Variants in ANKIB1 observed in about 807,000 individuals in gnomAD.
ANKIB1 encodes the protein ankyrin repeat and IBR domain containing 1.
Under a neutral mutation model 122.1 loss-of-function variants are expected in ANKIB1, and 43 were observed. The ratio of observed to expected loss-of-function variants is 0.35; its 90% confidence interval spans 0.28 to 0.45. The LOEUF (loss-of-function observed/expected upper bound fraction) is 0.45. ANKIB1 is among the 20% of genes least tolerant of loss of function. The probability of loss-of-function intolerance (pLI) is 1.00; values close to 1 mark genes in which losing one functional copy is unlikely to be tolerated. For synonymous variants in ANKIB1, 390 were observed against 442.0 expected (o/e 0.88, Z 1.48); for missense variants, 992 against 1,329.5 (o/e 0.75, Z 3.95).
At chr7:92,261,131 C>T (rs1477862117) in intron 1 of ANKIB1, among the ~76,000 whole-genome samples, 11 of 151,732 alleles carry the variant, frequency 7.2e-5, no homozygotes, top group African/African-American at 2.2e-4. Flanking sequence ...GGGCGGATCA[C>T]GAGGTCAGGA....
chr7:92,290,346 GACTAAA>G (rs1802219622), intron 1 of ANKIB1, among the ~76,000 whole-genome samples: 1 of 150,506 alleles, frequency 6.6e-6, no homozygotes, highest in Non-Finnish European at 1.5e-5. Flanking sequence ...AATTGCAGAA[GACTAAA>G]TTGAGTATAT....
chr7:92,314,212 C>T lies in ANKIB1; in HGVS notation c.487-5118C>T, dbSNP rs140141110. Among the ~76,000 whole-genome samples the T allele has an allele frequency of 7.2e-3, 1,090 of 151,724 alleles. 11 individuals are homozygous for T. The highest frequency in any genetic ancestry group is 0.025 in the African/African-American group (1,038 of 41,350). On this transcript the variant is annotated intron_variant, in intron 3 of 19. Transcript: ENST00000265742. ...ACTCAGGAGGCTGAGGTGGAAGGAT[C>T]ACTTGAGCCCAGGAGGTGGAGGCTA... is the stretch of plus-strand genomic sequence containing the variant.
intron 1 of ANKIB1, among the ~76,000 whole-genome samples, chr7:92,264,206 A>C (rs924718684): frequency 1.4e-5 from 2 of 147,248 alleles, no homozygotes; most frequent in African/African-American, 2.5e-5. Context: ...TCTGGAAGCG[A>C]AAAGGAGGGA....
At chr7:92,293,987 G>A (rs920529176) in intron 1 of ANKIB1, among the ~76,000 whole-genome samples, 4 of 152,126 alleles carry the variant, frequency 2.6e-5, no homozygotes, top group Non-Finnish European at 4.4e-5. Context: ...CCTAAGAAAT[G>A]GTCATTTTCC....
intron 9 of ANKIB1, among the ~76,000 whole-genome samples, chr7:92,359,571 C>T (rs896115935): frequency 6.6e-6 from 1 of 152,062 alleles, no homozygotes; most frequent in Non-Finnish European, 1.5e-5. Context: ...ATTTATAATC[C>T]TTTGGGTATA....
chr7:92,398,992 G>A lies in ANKIB1; in HGVS notation c.*43G>A. 1.3e-6 allele frequency: 2 copies of A among 1,501,598 alleles called. No individual in the cohort carries two copies. The highest frequency in any genetic ancestry group is 1.4e-5 in the South Asian group (1 of 71,692). 93.0% of individuals were successfully genotyped at this position (1,501,598 alleles called of 1,614,324 possible). A position where few individuals can be genotyped will look rare whatever the true frequency, so the allele number is the denominator to read the frequency against. On this transcript the variant is annotated 3_prime_UTR_variant, in exon 20 of 20. Transcript: ENST00000265742. ...TCTAAATGAATTACAGGTACAGATGGTATGCTAGGTGGAGTATGCTTGATA... is the reference window on the plus strand; with the variant it reads ...TCTAAATGAATTACAGGTACAGATGATATGCTAGGTGGAGTATGCTTGATA...
chr7:92,368,598 G>A (rs1480114421), intron 10 of ANKIB1, among the ~76,000 whole-genome samples: 1 of 151,980 alleles, frequency 6.6e-6, no homozygotes, highest in East Asian at 1.9e-4. Context: ...GCGGGCACCT[G>A]TAGTCCCAAC....
chr7:92,366,996 T>C (rs62467845), intron 10 of ANKIB1, among the ~76,000 whole-genome samples: 14,257 of 152,162 alleles, frequency 0.094, 864 homozygotes, highest in Middle Eastern at 0.22. Context: ...GAACAGATTA[T>C]GGGCGGGACT....
rs1053539050 is a variant in ANKIB1, at chr7:92,246,321, C to T, written c.-289C>T. 11 of 412,078 alleles carry T rather than the reference C, an allele frequency of 2.7e-5. No homozygotes were observed. Among genetic ancestry groups the T allele is most frequent in the African/African-American group, 2.2e-4 (10 of 45,936 alleles). The allele number at this position is 412,078 out of a possible 1,614,324, so 25.5% of individuals were successfully genotyped here. Reference sequence around the variant, plus strand: ...GGCTCACGCAGCGCTTCCCGCGGGCCGCCAGTGCGCACCCTCGGCCACATC... The same window carrying T: ...GGCTCACGCAGCGCTTCCCGCGGGCTGCCAGTGCGCACCCTCGGCCACATC... On this transcript the variant is annotated 5_prime_UTR_variant, in exon 1 of 20. Coordinates refer to ENST00000265742, the MANE Select transcript of ANKIB1 (RefSeq NM_019004.2).
intron 4 of ANKIB1, among the ~76,000 whole-genome samples, chr7:92,325,378 G>C (rs1258882608): frequency 1.3e-5 from 2 of 152,180 alleles, no homozygotes; most frequent in African/African-American, 2.4e-5. Context: ...TACAGCTCAG[G>C]GTAGCCTAGG....
intron 7 of ANKIB1, among the ~76,000 whole-genome samples, chr7:92,345,705 T>C (rs1358022218): frequency 1.3e-5 from 2 of 152,224 alleles, no homozygotes; most frequent in Admixed American, 6.5e-5. Context: ...AATGTCATGT[T>C]ATCTCTGGAG....
At chr7:92,353,439 G>C (rs1288064169) in intron 9 of ANKIB1, among the ~76,000 whole-genome samples, 2 of 152,146 alleles carry the variant, frequency 1.3e-5, no homozygotes, top group Non-Finnish European at 2.9e-5. Flanking sequence ...ACTGTTTTAA[G>C]TAAATGATAA....
At chr7:92,328,310 A>G (rs1803070950) in intron 5 of ANKIB1, among the ~76,000 whole-genome samples, 1 of 152,148 alleles carries the variant, frequency 6.6e-6, no homozygotes, top group Non-Finnish European at 1.5e-5. Context: ...TGCTATTAGT[A>G]TTGTCAGTTG....
intron 1 of ANKIB1, among the ~76,000 whole-genome samples, chr7:92,282,413 A>C (rs372450230): frequency 5.3e-4 from 80 of 152,234 alleles, no homozygotes; most frequent in African/African-American, 1.9e-3. Context: ...CAAAGTGCTG[A>C]GATAACAGGC....
chr7:92,285,491 A>G (rs1384405823), intron 1 of ANKIB1, among the ~76,000 whole-genome samples: 1 of 152,256 alleles, frequency 6.6e-6, no homozygotes, highest in Non-Finnish European at 1.5e-5. Flanking sequence ...ACAAATTGTG[A>G]AACTCTATGT....
chr7:92,391,138 AT>A (rs530415288), intron 15 of ANKIB1, 27 bp from the exon 16 acceptor site: 31,967 of 1,037,514 alleles, frequency 0.031, 12 homozygotes, highest in South Asian at 0.051. Context: ...GAAGCCTGTG[AT>A]TTTTTTTTTT....
chr7:92,357,345 C>G (rs1171578910), intron 9 of ANKIB1, among the ~76,000 whole-genome samples: 1 of 152,102 alleles, frequency 6.6e-6, no homozygotes, highest in Non-Finnish European at 1.5e-5. Flanking sequence ...ATTCCCCTCC[C>G]CATACTCTTG....
intron 1 of ANKIB1, among the ~76,000 whole-genome samples, chr7:92,278,136 A>G (rs1405988743): frequency 2.6e-5 from 4 of 151,846 alleles, no homozygotes; most frequent in African/African-American, 7.3e-5. Context: ...CTGTGGTCCT[A>G]GCTACTCAGG....
At chr7:92,354,364 T>G (rs1447920271) in intron 9 of ANKIB1, among the ~76,000 whole-genome samples, 1 of 152,152 alleles carries the variant, frequency 6.6e-6, no homozygotes, top group Non-Finnish European at 1.5e-5. Flanking sequence ...TACTTTGAGT[T>G]TTATCCCAGT....
Sources: gnomAD v4.1 joint callset for allele counts (sites outside exome capture counted in the v4.1 genomes callset) on GRCh38, gnomAD v4.1.1 for gene constraint, MANE v1.5 for transcripts, NCBI Gene and HGNC (gene_info 2026-07-23, HGNC 2026-07-21) for gene names.